Variants in BTG4 observed in about 807,000 individuals in gnomAD.
The protein encoded by BTG4 is protein BTG4.
In BTG4, 10 loss-of-function variants were observed where a neutral mutation model predicts 19.3. That is an observed-to-expected ratio of 0.52 (90% CI 0.32 to 0.88). The LOEUF is 0.88. Ranked by LOEUF, BTG4 falls within the 40% of genes least tolerant of loss-of-function variation. The pLI is 0.04. For synonymous variants in BTG4, 91 were observed against 95.7 expected, an observed-to-expected ratio of 0.95 and a Z score of 0.29; for missense variants, 238 against 281.9, an observed-to-expected ratio of 0.84 and a Z score of 1.11.
At chr11:111,446,529 T>A in the BTG4 span, among the ~76,000 whole-genome samples, 1 of 152,146 alleles carries the variant, frequency 6.6e-6, no homozygotes, top group Non-Finnish European at 1.5e-5. Flanking sequence ...CTCAGGTGAT[T>A]GGCAGGGACA....
chr11:111,468,632 A>C (rs1863870759), intron 5 of BTG4, among the ~76,000 whole-genome samples: 1 of 152,216 alleles, frequency 6.6e-6, no homozygotes, highest in Non-Finnish European at 1.5e-5. Context: ...TGAACAAGAG[A>C]GTTACTTCAA....
At chr11:111,450,148 A>G in the BTG4 span, among the ~76,000 whole-genome samples, 1 of 152,194 alleles carries the variant, frequency 6.6e-6, no homozygotes, top group Non-Finnish European at 1.5e-5. Context: ...ACTGTCCAAG[A>G]GGTCATGACT....
At chr11:111,445,908 C>A in the BTG4 span, among the ~76,000 whole-genome samples, 1 of 152,320 alleles carries the variant, frequency 6.6e-6, no homozygotes, top group African/African-American at 2.4e-5. Context: ...TAATCTGAAC[C>A]TACTTAGGCC....
At chr11:111,396,912 T>C in the BTG4 span, 12 of 152,342 alleles carry the variant, frequency 7.9e-5, no homozygotes, top group Admixed American at 5.9e-4. Flanking sequence ...ATACTGTGGT[T>C]TGCCCACAGC....
the BTG4 span, among the ~76,000 whole-genome samples, chr11:111,423,365 T>C: frequency 2.6e-5 from 4 of 152,238 alleles, no homozygotes; most frequent in African/African-American, 7.2e-5. Flanking sequence ...TCCTTTTACA[T>C]CAGTGCCATA....
At chr11:111,431,640 C>G in the BTG4 span, among the ~76,000 whole-genome samples, 3 of 152,184 alleles carry the variant, frequency 2.0e-5, no homozygotes, top group East Asian at 5.8e-4. Context: ...TGTGCAGAGG[C>G]TTAGCATCTA....
rs149548345 is a variant in BTG4, at chr11:111,505,540, C to G, written c.-27+6641G>C. ...AACTATAAAAATCCTAAAAGAAAAC[C>G]TAGGAAAACTCCTTATGGACATCGG... On this transcript the variant is annotated intron_variant, in intron 1 of 4. Coordinates refer to ENST00000692032, the MANE Select transcript of BTG4 (RefSeq NM_001367975.1). Among the ~76,000 whole-genome samples the G allele has an allele frequency of 6.1e-3, 933 of 151,968 alleles. 50 individuals are homozygous for G. The highest frequency in any genetic ancestry group is 0.056 in the Admixed American group (855 of 15,260).
chr11:111,434,534 C>T, the BTG4 span, among the ~76,000 whole-genome samples: 1 of 150,022 alleles, frequency 6.7e-6, no homozygotes, highest in Non-Finnish European at 1.5e-5. Context: ...TACCCTAGAA[C>T]TTAAAGTATA....
chr11:111,421,088 C>T, the BTG4 span, among the ~76,000 whole-genome samples: 1 of 152,124 alleles, frequency 6.6e-6, no homozygotes, highest in Non-Finnish European at 1.5e-5. Context: ...CTGGAGAGAG[C>T]GTGACAGAAT....
At chr11:111,481,175 A>T (rs1215354468) in intron 5 of BTG4, among the ~76,000 whole-genome samples, 1 of 151,966 alleles carries the variant, frequency 6.6e-6, no homozygotes, top group East Asian at 1.9e-4. Flanking sequence ...CCACATGCAT[A>T]AATTTCAGAG....
At chr11:111,392,278 T>C in the BTG4 span, among the ~76,000 whole-genome samples, 1 of 146,092 alleles carries the variant, frequency 6.8e-6, no homozygotes, top group Non-Finnish European at 1.5e-5. Context: ...CCCGGGTTCA[T>C]GCCATTCTCC....
the BTG4 span, among the ~76,000 whole-genome samples, chr11:111,410,197 A>G: frequency 0.22 from 32,941 of 148,938 alleles, 3,755 homozygotes; most frequent in East Asian, 0.3. Context: ...TTTTTTTTAT[A>G]CAGGGTTTTG....
At chr11:111,481,200 T>C (rs1181833788) in intron 5 of BTG4, among the ~76,000 whole-genome samples, 1 of 151,926 alleles carries the variant, frequency 6.6e-6, no homozygotes, top group Non-Finnish European at 1.5e-5. Context: ...AATAGGCTAA[T>C]TTGTTAAGAA....
chr11:111,512,909 C>T (rs1867053403), upstream of BTG4: 2 of 433,938 alleles, frequency 4.6e-6, no homozygotes, highest in Admixed American at 2.7e-5. Context: ...CGCTGCGGAC[C>T]GTCCGGGAGC....
chr11:111,470,481 G>A (rs1265306831), intron 5 of BTG4, among the ~76,000 whole-genome samples: 2 of 152,096 alleles, frequency 1.3e-5, no homozygotes, highest in Non-Finnish European at 2.9e-5. Flanking sequence ...TCTCACTAAT[G>A]TATTATCAAT....
the BTG4 span, among the ~76,000 whole-genome samples, chr11:111,433,970 A>G: frequency 6.6e-6 from 1 of 152,268 alleles, no homozygotes; most frequent in Non-Finnish European, 1.5e-5. Context: ...AATTAGTTCA[A>G]CCATTGTGGA....
At chr11:111,506,704 T>C (rs1866477653) in intron 1 of BTG4, among the ~76,000 whole-genome samples, 2 of 152,150 alleles carry the variant, frequency 1.3e-5, no homozygotes, top group South Asian at 4.1e-4. Context: ...TAAATATGTG[T>C]ATATGTATCA....
the BTG4 span, among the ~76,000 whole-genome samples, chr11:111,412,622 T>C: frequency 6.6e-6 from 1 of 152,200 alleles, no homozygotes; most frequent in South Asian, 2.1e-4. Context: ...TTTACAGATA[T>C]TCACTCATCT....
the BTG4 span, among the ~76,000 whole-genome samples, chr11:111,435,456 A>T: frequency 1.3e-5 from 2 of 152,226 alleles, no homozygotes; most frequent in African/African-American, 2.4e-5. Flanking sequence ...CAGAGATGAC[A>T]CTTGAGGACT....
Sources: allele counts gnomAD v4.1 joint callset (sites outside exome capture counted in the v4.1 genomes callset), GRCh38; gene constraint gnomAD v4.1.1; transcripts MANE v1.5; gene names NCBI Gene and HGNC (gene_info 2026-07-23, HGNC 2026-07-21).